Variants in ATP9A observed in about 807,000 individuals in gnomAD.
ATP9A encodes the protein probable phospholipid-transporting ATPase IIA.
Under a neutral mutation model 144.1 loss-of-function variants are expected in ATP9A, and 52 were observed. The observed-to-expected ratio is 0.36, with a 90% confidence interval of 0.29 to 0.45. The LOEUF (loss-of-function observed/expected upper bound fraction) is 0.45. ATP9A is among the 20% of genes least tolerant of loss of function. The probability of loss-of-function intolerance (pLI) is 1.00; values close to 1 mark genes in which losing one functional copy is unlikely to be tolerated. For synonymous variants in ATP9A, 582 were observed against 557.4 expected, an observed-to-expected ratio of 1.04 and a Z score of -0.62; for missense variants, 947 against 1,392.7, an observed-to-expected ratio of 0.68 and a Z score of 5.09.
At chr20:51,720,116 G>T (rs146810616) in intron 3 of ATP9A, among the ~76,000 whole-genome samples, 1 of 152,306 alleles carries the variant, frequency 6.6e-6, no homozygotes, top group East Asian at 1.9e-4. Context: ...AAGCAACTCT[G>T]GAGGGAAGGA....
intron 3 of ATP9A, 37 bp downstream of exon 3, chr20:51,725,782 T>G (rs574128473): frequency 7.1e-7 from 1 of 1,403,528 alleles, no homozygotes; most frequent in South Asian, 1.2e-5. Context: ...TTTCCAAACC[T>G]CTAAGGTTAC....
intron 1 of ATP9A, among the ~76,000 whole-genome samples, chr20:51,745,077 C>T (rs1435003929): frequency 6.6e-6 from 1 of 152,054 alleles, no homozygotes; most frequent in African/African-American, 2.4e-5. Context: ...AGATCAAGAC[C>T]ATTCTGGCCA....
rs376404664 is a variant in ATP9A, at chr20:51,760,235, T to C, written c.68+8067A>G. On this transcript the variant is annotated intron_variant, in intron 1 of 27. Transcript: ENST00000338821. Reference sequence around the variant, plus strand: ...GAGTTACAGAGTTGTTGCCTGTGAGTTCGATGTTAATGAATCCATAACGTA... The same window carrying C: ...GAGTTACAGAGTTGTTGCCTGTGAGCTCGATGTTAATGAATCCATAACGTA... Among the ~76,000 whole-genome samples the C allele has an allele frequency of 1.3e-4, 20 of 152,134 alleles. 3 individuals carry two copies. The highest frequency in any genetic ancestry group is 2.0e-4 in the Admixed American group (3 of 15,232).
At position 51,613,734 on chromosome 20, in the gene ATP9A, C is replaced by T; in HGVS notation, c.2514G>A (p.Arg838=). 1 of 1,614,176 alleles carries T rather than the reference C, an allele frequency of 6.2e-7. No homozygotes were observed. Among genetic ancestry groups the T allele is most frequent in the Non-Finnish European group, 8.5e-7 (1 of 1,180,022 alleles). ...TCACGAACTGGCTGAGGGCGGCTGA[C>T]CGCTTGTAGCTGTTCCGGCCATGCA... ...LMVHGRNSYK[R]SAALSQFVIH... Residue 838 remains arginine, a synonymous_variant, in exon 23 of 28, where the codon CGG becomes CGA. Coordinates refer to ENST00000338821, the MANE Select transcript of ATP9A (RefSeq NM_006045.3).
At chr20:51,617,615 T>C (rs1208593558) in intron 21 of ATP9A, 61 bp from the exon 22 acceptor site, 1 of 1,557,600 alleles carries the variant, frequency 6.4e-7, no homozygotes, top group South Asian at 1.2e-5. Context: ...CAAGAATGTA[T>C]GCTTGTCTTT....
At chr20:51,631,738 G>A (rs1234791332) in intron 15 of ATP9A, among the ~76,000 whole-genome samples, 1 of 152,204 alleles carries the variant, frequency 6.6e-6, no homozygotes, top group East Asian at 1.9e-4. Context: ...ACAGCGCTAC[G>A]ATGATCTACA....
intron 7 of ATP9A, among the ~76,000 whole-genome samples, chr20:51,692,426 G>C (rs747275369): frequency 2.0e-5 from 3 of 152,204 alleles, no homozygotes; most frequent in Non-Finnish European, 2.9e-5. Context: ...AGAACAGTGA[G>C]TTTCTAACTA....
chr20:51,748,570 A>G (rs1481574509), intron 1 of ATP9A, among the ~76,000 whole-genome samples: 6 of 152,144 alleles, frequency 3.9e-5, no homozygotes, highest in African/African-American at 1.4e-4. Context: ...TTTTACGACC[A>G]AAGTCAAAAA....
chr20:51,691,204 T>C (rs149148069), intron 7 of ATP9A, among the ~76,000 whole-genome samples: 3,542 of 152,266 alleles, frequency 0.023, 83 homozygotes, highest in African/African-American at 0.057. Flanking sequence ...CAGTGGCTCA[T>C]GCCTGTAATC....
chr20:51,728,190 G>A (rs2077724038), intron 2 of ATP9A, among the ~76,000 whole-genome samples: 2 of 152,128 alleles, frequency 1.3e-5, no homozygotes, highest in African/African-American at 4.8e-5. Flanking sequence ...CATAGTCCAG[G>A]TGCCATACCC....
At chr20:51,667,123 C>G (rs2077436273) in intron 13 of ATP9A, among the ~76,000 whole-genome samples, 1 of 152,280 alleles carries the variant, frequency 6.6e-6, no homozygotes, top group East Asian at 1.9e-4. Context: ...TATGAGCTTC[C>G]CCTAAGGAAG....
At chr20:51,641,738 G>A (rs1601076277) in intron 14 of ATP9A, among the ~76,000 whole-genome samples, 1 of 149,470 alleles carries the variant, frequency 6.7e-6, no homozygotes, top group East Asian at 2.1e-4. Flanking sequence ...GGCTGAGGCA[G>A]GAGAATCACT....
intron 12 of ATP9A, 26 bp downstream of exon 12, chr20:51,671,089 T>G: frequency 6.2e-7 from 1 of 1,607,450 alleles, no homozygotes; most frequent in Non-Finnish European, 8.5e-7. Flanking sequence ...CCAGGAATCC[T>G]GCGCAGGTCC....
At chr20:51,679,462 G>C (rs2077491241) in intron 9 of ATP9A, among the ~76,000 whole-genome samples, 1 of 152,124 alleles carries the variant, frequency 6.6e-6, no homozygotes, top group Non-Finnish European at 1.5e-5. Flanking sequence ...CACGTGCTCT[G>C]AGCTCACCAT....
At chr20:51,623,801 A>AAAG (rs1555829564) in intron 18 of ATP9A, among the ~76,000 whole-genome samples, 58 of 133,416 alleles carry the variant, frequency 4.3e-4, no homozygotes, top group Middle Eastern at 4.0e-3. Context: ...AAAAAAAAAA[A>AAAG]AAAGAAAGAA....
chr20:51,713,076 T>C lies in ATP9A; in HGVS notation c.328-2A>G. On this transcript the variant is annotated splice_acceptor_variant, in intron 3 of 27. Transcript: ENST00000338821. LOFTEE classifies it high-confidence loss of function. ...GACAGTGACGGCCAGCACGAAGCCC[T>C]GCAGAGACAGACGACAGTGAGTCTT... 1 of 1,607,562 alleles carries C rather than the reference T, an allele frequency of 6.2e-7. No individual in the cohort carries two copies. Among genetic ancestry groups the C allele is most frequent in the Non-Finnish European group, 8.5e-7 (1 of 1,177,212 alleles).
At chr20:51,670,454 C>T (rs2077451250) in intron 12 of ATP9A, among the ~76,000 whole-genome samples, 1 of 152,160 alleles carries the variant, frequency 6.6e-6, no homozygotes. Context: ...GATTCTGACC[C>T]TTGAGTAGAA....
chr20:51,701,382 G>T (rs944271140), intron 4 of ATP9A, among the ~76,000 whole-genome samples: 1 of 152,058 alleles, frequency 6.6e-6, no homozygotes, highest in Admixed American at 6.5e-5. Flanking sequence ...TAAGCGTAAG[G>T]TTGCTTTCCT....
chr20:51,606,200 T>C (rs1390866785), intron 26 of ATP9A, among the ~76,000 whole-genome samples: 5 of 152,176 alleles, frequency 3.3e-5, no homozygotes, highest in Admixed American at 3.3e-4. Context: ...GAGGTTGCAG[T>C]GAGCCAAAAT....
Sources: allele counts gnomAD v4.1 joint callset (sites outside exome capture counted in the v4.1 genomes callset), GRCh38; gene constraint gnomAD v4.1.1; transcripts MANE v1.5; gene names NCBI Gene and HGNC (gene_info 2026-07-23, HGNC 2026-07-21).